The following DCAF6 variants were observed in gnomAD, a reference collection of about 807,000 sequenced individuals.
DCAF6 encodes the protein DDB1- and CUL4-associated factor 6.
In DCAF6, 54 loss-of-function variants were observed where a neutral mutation model predicts 125.1. That is an observed-to-expected ratio of 0.43 (90% CI 0.35 to 0.54). The LOEUF (loss-of-function observed/expected upper bound fraction) is 0.54. Ranked by LOEUF, DCAF6 falls within the 20% of genes least tolerant of loss-of-function variation. DCAF6 has a pLI of 0.01. For synonymous variants in DCAF6, 371 were observed against 390.4 expected (o/e 0.95, Z 0.58); for missense variants, 934 against 1,161.7 (o/e 0.80, Z 2.85).
intron 16 of DCAF6, among the ~76,000 whole-genome samples, chr1:168,045,604 T>C (rs898472153): frequency 4.6e-5 from 7 of 152,220 alleles, no homozygotes; most frequent in African/African-American, 1.4e-4. Context: ...TTGGTTTTAA[T>C]GTTAATTTTT....
chr1:167,979,335 T>C (rs934000703), intron 4 of DCAF6, among the ~76,000 whole-genome samples: 1 of 152,198 alleles, frequency 6.6e-6, no homozygotes, highest in Non-Finnish European at 1.5e-5. Flanking sequence ...GAATTTTTTT[T>C]TTTCAAAACT....
At chr1:167,932,961 C>T (rs373573581), upstream of DCAF6, among the ~76,000 whole-genome samples, 5 of 152,044 alleles carry the variant, frequency 3.3e-5, no homozygotes, top group East Asian at 3.9e-4. Context: ...GGGGATAATG[C>T]GGGGACTGAC....
At position 168,009,751 on chromosome 1, in the gene DCAF6, A is replaced by G. The variant is rs560740948; in HGVS notation, c.1378+4958A>G. Among the ~76,000 whole-genome samples, 5 of 152,198 alleles carry G rather than the reference A, an allele frequency of 3.3e-5. No individual in the cohort carries two copies. The South Asian group carries it at 1.0e-3, about 32-fold the overall frequency. Reference sequence around the variant, plus strand: ...CAAGTCTTTCATAACTACCCTAGGTAAAGTCCTCTTTCCTTTTTCTTCTTG... The same window carrying G: ...CAAGTCTTTCATAACTACCCTAGGTGAAGTCCTCTTTCCTTTTTCTTCTTG... On this transcript the variant is annotated intron_variant, in intron 10 of 21. Transcript: ENST00000367840.
chr1:167,959,913 T>C (rs1411518081), intron 2 of DCAF6, among the ~76,000 whole-genome samples: 1 of 152,202 alleles, frequency 6.6e-6, no homozygotes, highest in Non-Finnish European at 1.5e-5. Flanking sequence ...CTTGGTATTG[T>C]ACTTAATAAA....
intron 4 of DCAF6, among the ~76,000 whole-genome samples, chr1:167,979,112 T>C (rs929933153): frequency 1.3e-5 from 2 of 152,218 alleles, no homozygotes; most frequent in African/African-American, 2.4e-5. Flanking sequence ...AGATCTGTAA[T>C]CTATCTGGAT....
chr1:167,991,368 G>C, intron 6 of DCAF6, 29 bp downstream of exon 6: 1 of 1,575,658 alleles, frequency 6.3e-7, no homozygotes, highest in Non-Finnish European at 8.6e-7. Flanking sequence ...AGAAAATATA[G>C]GACTGTCAGT....
At chr1:168,020,400 G>A (rs1685531254) in intron 11 of DCAF6, among the ~76,000 whole-genome samples, 1 of 152,046 alleles carries the variant, frequency 6.6e-6, no homozygotes, top group East Asian at 1.9e-4. Context: ...AGATAATTCT[G>A]GTGTCAAGGG....
the DCAF6 span, among the ~76,000 whole-genome samples, chr1:167,902,447 C>G: frequency 1.3e-5 from 2 of 152,218 alleles, no homozygotes; most frequent in Non-Finnish European, 2.9e-5. Flanking sequence ...CAGGACTCCA[C>G]AAAAACTAGG....
At chr1:167,902,544 C>T in the DCAF6 span, among the ~76,000 whole-genome samples, 1 of 152,312 alleles carries the variant, frequency 6.6e-6, no homozygotes, top group Admixed American at 6.5e-5. Context: ...GACGGTATGG[C>T]ATAAATGGCC....
At chr1:167,985,117 C>A (rs369299958) in intron 4 of DCAF6, among the ~76,000 whole-genome samples, 2 of 152,138 alleles carry the variant, frequency 1.3e-5, no homozygotes, top group African/African-American at 4.8e-5. Flanking sequence ...TTACCTCCCA[C>A]TGGGTCCCTC....
At chr1:168,055,332 T>TTG (rs1690512966) in intron 17 of DCAF6, among the ~76,000 whole-genome samples, 1 of 4,816 alleles carries the variant, frequency 2.1e-4, no homozygotes. Flanking sequence ...CAGGCTTAAG[T>TTG]TTTTTTTTTT....
At chr1:167,993,515 C>G (rs111654785) in intron 7 of DCAF6, 75 bp downstream of exon 7, 1 of 1,237,674 alleles carries the variant, frequency 8.1e-7, no homozygotes, top group South Asian at 1.3e-5. Context: ...TTTGGGAGGC[C>G]GAGGTGGGTG....
the DCAF6 span, chr1:167,875,104 A>G: frequency 1.2e-6 from 2 of 1,601,412 alleles, no homozygotes; most frequent in South Asian, 2.2e-5. Context: ...TCAATAAAGA[A>G]GTTTAAAATC....
chr1:167,988,150 C>CAATTA (rs112524290), intron 5 of DCAF6, among the ~76,000 whole-genome samples: 21,262 of 151,804 alleles, frequency 0.14, 1,987 homozygotes, highest in African/African-American at 0.27. Flanking sequence ...TGCTTTAATA[C>CAATTA]AATTAAATTA....
At chr1:167,990,804 A>G (rs1680716661) in intron 5 of DCAF6, among the ~76,000 whole-genome samples, 1 of 152,118 alleles carries the variant, frequency 6.6e-6, no homozygotes, top group Admixed American at 6.5e-5. Context: ...TTGCTCAAAT[A>G]CTGATCATTT....
intron 6 of DCAF6, 129 bp downstream of exon 6, chr1:167,991,468 A>G (rs1409449438): frequency 1.4e-5 from 12 of 885,380 alleles, no homozygotes; most frequent in Non-Finnish European, 1.9e-5. Flanking sequence ...AATATGGATT[A>G]TTATAAAAAA....
At chr1:167,866,454 A>T in the DCAF6 span, among the ~76,000 whole-genome samples, 1 of 150,246 alleles carries the variant, frequency 6.7e-6, no homozygotes, top group Non-Finnish European at 1.5e-5. Flanking sequence ...CAAGCTTTTC[A>T]TGAGTTGAAA....
chr1:167,971,123 C>T (rs1309628802), intron 3 of DCAF6, among the ~76,000 whole-genome samples: 2 of 152,180 alleles, frequency 1.3e-5, no homozygotes, highest in Admixed American at 6.5e-5. Context: ...TTCTTTCTTT[C>T]TGAGATCACC....
intron 2 of DCAF6, among the ~76,000 whole-genome samples, chr1:167,961,196 A>C (rs1444068880): frequency 6.6e-6 from 1 of 152,102 alleles, no homozygotes; most frequent in Non-Finnish European, 1.5e-5. Flanking sequence ...CTTGTATCCT[A>C]TTACTTTGCT....
Sources: gnomAD v4.1 joint callset for allele counts (sites outside exome capture counted in the v4.1 genomes callset) on GRCh38, gnomAD v4.1.1 for gene constraint, MANE v1.5 for transcripts, NCBI Gene and HGNC (gene_info 2026-07-23, HGNC 2026-07-21) for gene names.